Variants in IRAK2 observed in about 807,000 individuals in gnomAD.
The protein encoded by IRAK2 is interleukin 1 receptor associated kinase 2, also known as interleukin-1 receptor-associated kinase-like 2.
Under a neutral mutation model 72.0 loss-of-function variants are expected in IRAK2, and 57 were observed. That is an observed-to-expected ratio of 0.79 (90% CI 0.64 to 0.99). IRAK2 has a LOEUF of 0.99. Ranked by LOEUF, IRAK2 falls within the 50% of genes least tolerant of loss-of-function variation. The pLI is 0.00. For missense variants in IRAK2, 790 were observed against 794.4 expected (o/e 0.99, Z 0.07); for synonymous variants, 293 against 312.7 (o/e 0.94, Z 0.67).
chr3:10,209,533 T>C (rs1301533531), intron 3 of IRAK2, 56 bp from the exon 4 acceptor site: 27 of 1,152,336 alleles, frequency 2.3e-5, no homozygotes, highest in Non-Finnish European at 2.9e-5. Context: ...TAGACCAGGA[T>C]CCCTCCTGTC....
chr3:10,219,693 C>T lies in IRAK2; in HGVS notation c.917C>T (p.Pro306Leu), dbSNP rs1457176323. 5.0e-6 allele frequency: 8 copies of T among 1,613,654 alleles called. No homozygotes were observed. Among genetic ancestry groups the T allele is most frequent in the Non-Finnish European group, 6.8e-6 (8 of 1,179,618 alleles). The change falls in exon 8 of 13, where the codon CCC (proline) becomes CTC (leucine). Residue 306 changes from proline to leucine, a missense_variant. Transcript: ENST00000256458. ...DRLQGQGGSD[P>L]LPWPQRVSIC... is the part of the protein sequence containing the mutation. ...TCTTTCTCTTAGGGTGGCTCGGACC[C>T]CCTCCCCTGGCCCCAGCGTGTCAGC...
chr3:10,233,799 T>C (rs1697905475), intron 10 of IRAK2, among the ~76,000 whole-genome samples: 1 of 152,230 alleles, frequency 6.6e-6, no homozygotes, highest in Non-Finnish European at 1.5e-5. Context: ...TGTCACTCTC[T>C]GTGCTTTAGG....
intron 1 of IRAK2, among the ~76,000 whole-genome samples, chr3:10,167,821 A>G (rs951378211): frequency 1.3e-5 from 2 of 152,160 alleles, no homozygotes; most frequent in Admixed American, 1.3e-4. Context: ...GCCATTGTGA[A>G]TAGTGCTGCT....
At chr3:10,190,343 T>A (rs1193110668) in intron 2 of IRAK2, among the ~76,000 whole-genome samples, 1 of 146,074 alleles carries the variant, frequency 6.8e-6, no homozygotes, top group Non-Finnish European at 1.5e-5. Flanking sequence ...TGCAGTGGCA[T>A]GAGCTTGGCT....
At chr3:10,216,069 G>A (rs1697600981) in intron 6 of IRAK2, among the ~76,000 whole-genome samples, 1 of 152,186 alleles carries the variant, frequency 6.6e-6, no homozygotes, top group Admixed American at 6.5e-5. Flanking sequence ...AGATAAGGCA[G>A]GAGGCCATTT....
intron 1 of IRAK2, among the ~76,000 whole-genome samples, chr3:10,165,457 TGTTTA>T (rs1281891929): frequency 6.6e-6 from 1 of 151,860 alleles, no homozygotes; most frequent in Non-Finnish European, 1.5e-5. Flanking sequence ...GTGTGTGGTG[TGTTTA>T]GTTTTAGTGT....
intron 9 of IRAK2, among the ~76,000 whole-genome samples, chr3:10,225,440 C>T (rs1697758877): frequency 6.6e-6 from 1 of 152,148 alleles, no homozygotes; most frequent in African/African-American, 2.4e-5. Context: ...ACTGAGAAAC[C>T]CTGTTCAAAG....
chr3:10,203,952 T>C (rs1352439899), intron 3 of IRAK2, among the ~76,000 whole-genome samples: 3 of 152,182 alleles, frequency 2.0e-5, no homozygotes, highest in African/African-American at 7.2e-5. Flanking sequence ...AGAGGAGCCA[T>C]GGATAGGCTA....
chr3:10,188,041 G>A (rs1028917004), intron 2 of IRAK2, among the ~76,000 whole-genome samples: 1 of 152,256 alleles, frequency 6.6e-6, no homozygotes. Flanking sequence ...CTTATATACT[G>A]GCATCTTAGG....
intron 2 of IRAK2, among the ~76,000 whole-genome samples, chr3:10,185,983 G>T (rs1362442141): frequency 2.0e-5 from 3 of 151,570 alleles, no homozygotes; most frequent in Admixed American, 6.6e-5. Flanking sequence ...GAACCAGGAG[G>T]CAGAGATTGT....
intron 10 of IRAK2, among the ~76,000 whole-genome samples, chr3:10,231,814 C>T: frequency 6.6e-6 from 1 of 151,990 alleles, no homozygotes; most frequent in East Asian, 1.9e-4. Flanking sequence ...CACGCCCGGG[C>T]ATGGTTATGT....
chr3:10,214,828 C>T (rs1267916399), intron 6 of IRAK2, among the ~76,000 whole-genome samples: 1 of 152,008 alleles, frequency 6.6e-6, no homozygotes, highest in African/African-American at 2.4e-5. Context: ...GGCATGGTGG[C>T]TCGCACCTAT....
chr3:10,242,201 G>GGAC lies in IRAK2; in HGVS notation c.1852_1854dup (p.Asp618dup). On this transcript the variant is annotated inframe_insertion, in exon 13 of 13. Coordinates refer to ENST00000256458, the MANE Select transcript of IRAK2 (RefSeq NM_001570.4). ...TTCTGCTCTACAAAGAGGAAAAAGT[G>GGAC]GACAGCATTGAGCTCTTTGGCCCCT... 6.2e-7 allele frequency: 1 copy of GGAC among 1,612,348 alleles called. No individual in the cohort carries two copies. The highest frequency in any genetic ancestry group is 2.2e-5 in the East Asian group (1 of 44,854).
intron 1 of IRAK2, among the ~76,000 whole-genome samples, chr3:10,173,042 T>C (rs1696822008): frequency 6.6e-6 from 1 of 152,058 alleles, no homozygotes; most frequent in African/African-American, 2.4e-5. Flanking sequence ...CTAATACTTA[T>C]ATCATGTTTA....
intron 2 of IRAK2, among the ~76,000 whole-genome samples, chr3:10,185,244 T>C (rs1319703049): frequency 3.3e-5 from 5 of 151,460 alleles, no homozygotes; most frequent in Admixed American, 3.3e-4. Context: ...CAGATGATTC[T>C]GATGCACCTT....
chr3:10,165,504 A>G (rs1474912560), intron 1 of IRAK2, among the ~76,000 whole-genome samples: 1 of 151,976 alleles, frequency 6.6e-6, no homozygotes, highest in Non-Finnish European at 1.5e-5. Flanking sequence ...TAACATATAT[A>G]TATATATTGA....
At chr3:10,240,570 TTG>T (rs202000904) in intron 12 of IRAK2, among the ~76,000 whole-genome samples, 2 of 71,794 alleles carry the variant, frequency 2.8e-5, no homozygotes, top group Non-Finnish European at 4.9e-5. Flanking sequence ...TTTTTTTTTT[TTG>T]TTTTGAGACA....
chr3:10,234,653 G>A lies in IRAK2; in HGVS notation c.1467G>A (p.Leu489=), dbSNP rs745896838. The part of the protein sequence containing the change: ...CLCLRRRNTS[L]QEVCGSVAAV... ...GCCTGCGGAGGCGTAACACCAGCCT[G>A]CAGGAGGTGAGCCTCGCCCGCAGCG... Residue 489 remains leucine, a synonymous_variant, in exon 11 of 13, where the codon CTG becomes CTA. Coordinates refer to ENST00000256458, the MANE Select transcript of IRAK2 (RefSeq NM_001570.4). The A allele has an allele frequency of 6.2e-7, 1 of 1,612,182 alleles. No homozygotes were observed. The highest frequency in any genetic ancestry group is 1.1e-5 in the South Asian group (1 of 91,044).
chr3:10,200,493 G>T lies in IRAK2; in HGVS notation c.402G>T (p.Arg134Ser), dbSNP rs1456470155. The T allele has an allele frequency of 6.3e-7, 1 of 1,577,980 alleles. No individual in the cohort carries two copies. The highest frequency in any genetic ancestry group is 8.6e-7 in the Non-Finnish European group (1 of 1,160,528). Residue 134 changes from arginine (R) to serine (S), a missense_variant, in exon 3 of 13, where the codon AGG becomes AGT. Transcript: ENST00000256458. The stretch of plus-strand genomic sequence containing the variant: ...AACAGGAAGAGGGGCAGCCTGTGAG[G>T]ATGGCCACCTTTCCAGGCCCAGGTA... ...EDEQEEGQPV[R>S]MATFPGPGSS...
Sources: gnomAD v4.1 joint callset for allele counts (sites outside exome capture counted in the v4.1 genomes callset) on GRCh38, gnomAD v4.1.1 for gene constraint, MANE v1.5 for transcripts, NCBI Gene and HGNC (gene_info 2026-07-23, HGNC 2026-07-21) for gene names.